ATP6V0A4: variants seen among roughly 807,000 people sequenced by gnomAD.
The protein encoded by ATP6V0A4 is ATPase H+ transporting V0 subunit a4.
In ATP6V0A4, 86 loss-of-function variants were observed where a neutral mutation model predicts 107.3. The ratio of observed to expected loss-of-function variants is 0.80; its 90% CI spans 0.67 to 0.96. The LOEUF is 0.96. Among genes scored for constraint, ATP6V0A4 ranks in the 40% least tolerant of loss-of-function variants. ATP6V0A4 has a pLI of 0.00. For missense variants in ATP6V0A4, 908 were observed against 1,045.6 expected, an observed-to-expected ratio of 0.87 and a Z score of 1.81; for synonymous variants, 353 against 381.4, an observed-to-expected ratio of 0.93 and a Z score of 0.87.
intron 14 of ATP6V0A4, among the ~76,000 whole-genome samples, chr7:138,743,181 G>T (rs1034963412): frequency 6.6e-6 from 1 of 152,004 alleles, no homozygotes; most frequent in Non-Finnish European, 1.5e-5. Context: ...GGATTGGGCC[G>T]GGCGTGTGGC....
intron 21 of ATP6V0A4, chr7:138,706,920 G>T: frequency 1.1e-5 from 4 of 372,082 alleles, no homozygotes; most frequent in Non-Finnish European, 1.4e-5. Context: ...TTGAGACAGA[G>T]TCTTGCTCCA....
chr7:138,785,945 G>A (rs898416862), intron 2 of ATP6V0A4, among the ~76,000 whole-genome samples: 4 of 152,030 alleles, frequency 2.6e-5, no homozygotes, highest in Admixed American at 1.3e-4. Flanking sequence ...GCCATCCAAC[G>A]CCAGTGGGGC....
intron 21 of ATP6V0A4, among the ~76,000 whole-genome samples, chr7:138,706,933 A>C (rs1803402642): frequency 8.1e-6 from 1 of 122,952 alleles, no homozygotes; most frequent in African/African-American, 3.3e-5. Flanking sequence ...TTGCTCCATC[A>C]CCCAGGCTGG....
intron 19 of ATP6V0A4, among the ~76,000 whole-genome samples, chr7:138,720,974 A>G (rs1227890343): frequency 6.6e-6 from 1 of 152,126 alleles, no homozygotes; most frequent in African/African-American, 2.4e-5. Context: ...AATTAACACC[A>G]CAAATGGAGC....
At chr7:138,706,955 G>C (rs1228410965) in intron 21 of ATP6V0A4, among the ~76,000 whole-genome samples, 3 of 133,716 alleles carry the variant, frequency 2.2e-5, no homozygotes, top group African/African-American at 8.9e-5. Flanking sequence ...GTGCAGTGTC[G>C]TGATCTTGGC....
intron 1 of ATP6V0A4, among the ~76,000 whole-genome samples, chr7:138,796,810 G>A (rs1031764838): frequency 4.8e-5 from 7 of 146,128 alleles, no homozygotes; most frequent in Non-Finnish European, 1.1e-4. Context: ...GCTCTCAAGG[G>A]GAAGAGGCGT....
chr7:138,751,057 G>A (rs1806198745), intron 11 of ATP6V0A4, among the ~76,000 whole-genome samples: 1 of 152,006 alleles, frequency 6.6e-6, no homozygotes. Context: ...CTCAGAGAGG[G>A]TTTCTTCAGA....
rs376812412 is a variant in ATP6V0A4, at chr7:138,709,728, G to T, written c.2325C>A (p.Ile775=). The change falls in exon 21 of 22, where the codon ATC becomes ATA. Residue 775 remains isoleucine (I), a synonymous_variant. Coordinates refer to ENST00000310018, the MANE Select transcript of ATP6V0A4 (RefSeq NM_020632.3). ...SGLQTRGWGG[I]VGVFIIFAVF... is the part of the protein sequence containing the mutation. The stretch of plus-strand genomic sequence containing the variant: ...CGGCAAAAATAATAAAAACCCCGAC[G>T]ATTCCTCCCCAGCCTCGCGTCTGAA... 3 of 1,613,816 alleles carry T rather than the reference G, an allele frequency of 1.9e-6. No individual in the cohort carries two copies. The highest frequency in any genetic ancestry group is 2.5e-6 in the Non-Finnish European group (3 of 1,179,972).
intron 1 of ATP6V0A4, among the ~76,000 whole-genome samples, chr7:138,796,981 T>C (rs1808699169): frequency 6.6e-6 from 1 of 152,146 alleles, no homozygotes; most frequent in African/African-American, 2.4e-5. Context: ...TTGTTTCAAA[T>C]TCCTCTACCA....
intron 2 of ATP6V0A4, among the ~76,000 whole-genome samples, chr7:138,774,526 A>G (rs1807552250): frequency 1.3e-5 from 2 of 151,568 alleles, no homozygotes; most frequent in East Asian, 3.9e-4. Context: ...GGTTGCAGTG[A>G]GCCTAGATCA....
intron 19 of ATP6V0A4, among the ~76,000 whole-genome samples, chr7:138,718,469 G>A (rs1419873107): frequency 7.4e-5 from 6 of 80,658 alleles, no homozygotes; most frequent in African/African-American, 2.7e-4. Flanking sequence ...GAATGGGGGG[G>A]ATGGCGGGGA....
chr7:138,790,247 T>C (rs1161137086), intron 1 of ATP6V0A4, among the ~76,000 whole-genome samples: 2 of 152,152 alleles, frequency 1.3e-5, no homozygotes, highest in African/African-American at 4.8e-5. Flanking sequence ...ATGGCAAATG[T>C]TTTCCCAAGT....
Position 138,733,073 on chromosome 7 carries a change from T to C in ATP6V0A4, c.1712A>G (p.Asn571Ser), listed in dbSNP as rs1805107564. Residue 571 changes from asparagine (N) to serine (S), a missense_variant, in exon 17 of 22, where the codon AAC becomes AGC. Coordinates refer to ENST00000310018, the MANE Select transcript of ATP6V0A4 (RefSeq NM_020632.3). ...FNHIYFRRTLNIILQFIPEMI... is the reference protein window; with the variant it reads ...FNHIYFRRTLSIILQFIPEMI... The stretch of plus-strand genomic sequence containing the variant: ...CTCAGGGATAAATTGCAGAATGATG[T>C]TGAGAGTTCTTCTGAAGTATCTGGG... 1.2e-6 allele frequency: 2 copies of C among 1,613,966 alleles called. No homozygotes were observed. The highest frequency in any genetic ancestry group is 8.5e-7 in the Non-Finnish European group (1 of 1,179,890).
chr7:138,780,794 T>A (rs1253802100), intron 2 of ATP6V0A4, among the ~76,000 whole-genome samples: 1 of 152,034 alleles, frequency 6.6e-6, no homozygotes, highest in East Asian at 1.9e-4. Context: ...TGCTTCCAGC[T>A]ACTTGAAAGC....
At chr7:138,730,810 C>T (rs1369477472) in intron 17 of ATP6V0A4, among the ~76,000 whole-genome samples, 1 of 152,102 alleles carries the variant, frequency 6.6e-6, no homozygotes, top group African/African-American at 2.4e-5. Flanking sequence ...CTGGGGATGG[C>T]TCATGGTTAC....
At chr7:138,794,910 T>A (rs1019750328) in intron 1 of ATP6V0A4, among the ~76,000 whole-genome samples, 1 of 151,768 alleles carries the variant, frequency 6.6e-6, no homozygotes, top group South Asian at 2.1e-4. Context: ...TTTTTTTTTT[T>A]TTTTTGAGAC....
intron 9 of ATP6V0A4, chr7:138,755,996 G>C (rs934962903): frequency 3.8e-6 from 3 of 795,562 alleles, no homozygotes. Context: ...TCTGTTATAT[G>C]AATGAGCTTC....
rs143476759 is a variant in ATP6V0A4, at chr7:138,708,364, T to G, written c.2429+1260A>C. ...CCCAGCCTCATTTATGTTTTATTAA[T>G]TTACAGAGTTCAGTTCCTCTCCTCA... On this transcript the variant is annotated intron_variant, in intron 21 of 21. Transcript: ENST00000310018. Among the ~76,000 whole-genome samples the G allele has an allele frequency of 4.1e-3, 623 of 152,246 alleles. 6 individuals are homozygous for G. Among genetic ancestry groups the G allele is most frequent in the South Asian group, 0.026 (127 of 4,822 alleles).
chr7:138,753,073 T>C (rs1041356454), intron 10 of ATP6V0A4, among the ~76,000 whole-genome samples: 4 of 152,230 alleles, frequency 2.6e-5, no homozygotes, highest in African/African-American at 9.6e-5. Context: ...ATTGTCCTAT[T>C]GTTATGGGTT....
Sources: allele counts gnomAD v4.1 joint callset (sites outside exome capture counted in the v4.1 genomes callset), GRCh38; gene constraint gnomAD v4.1.1; transcripts MANE v1.5; gene names NCBI Gene and HGNC (gene_info 2026-07-23, HGNC 2026-07-21).